Variants in KCTD8 observed in about 807,000 individuals in gnomAD.
KCTD8 encodes potassium channel tetramerization domain containing 8, also known as BTB/POZ domain-containing protein KCTD8.
Under a neutral mutation model 31.5 loss-of-function variants are expected in KCTD8, and 27 were observed. That is an observed-to-expected ratio of 0.86 (90% CI 0.63 to 1.18). The LOEUF (loss-of-function observed/expected upper bound fraction) is 1.18. Ranked by LOEUF, KCTD8 falls within the 50% of genes most tolerant of loss-of-function variation. The pLI, the probability that KCTD8 is intolerant of heterozygous loss-of-function variation, is 0.00. For missense variants in KCTD8, 658 were observed against 647.7 expected (o/e 1.02, Z -0.17); for synonymous variants, 290 against 280.0 (o/e 1.04, Z -0.36).
At chr4:44,385,302 T>G (rs888463734) in intron 1 of KCTD8, among the ~76,000 whole-genome samples, 7 of 151,508 alleles carry the variant, frequency 4.6e-5, no homozygotes, top group African/African-American at 1.7e-4. Flanking sequence ...CTTCAAAACC[T>G]ATTACAGATC....
intron 1 of KCTD8, among the ~76,000 whole-genome samples, chr4:44,318,957 A>G (rs1398119556): frequency 2.0e-5 from 3 of 152,242 alleles, no homozygotes; most frequent in Admixed American, 6.5e-5. Context: ...CACAGATAAA[A>G]TAATTCACTT....
intron 1 of KCTD8, among the ~76,000 whole-genome samples, chr4:44,177,862 ATATTAAATGT>A (rs1453952786): frequency 4.6e-5 from 7 of 152,184 alleles, no homozygotes; most frequent in South Asian, 2.1e-4. Context: ...AAATTGTCCC[ATATTAAATGT>A]TATTAAATGT....
At chr4:44,378,085 T>C (rs1187181432) in intron 1 of KCTD8, among the ~76,000 whole-genome samples, 1 of 149,788 alleles carries the variant, frequency 6.7e-6, no homozygotes, top group Non-Finnish European at 1.5e-5. Context: ...CACATAGTTA[T>C]TTTAATATAA....
intron 1 of KCTD8, among the ~76,000 whole-genome samples, chr4:44,400,347 G>A (rs1250432563): frequency 6.6e-6 from 1 of 151,790 alleles, no homozygotes; most frequent in Non-Finnish European, 1.5e-5. Flanking sequence ...CAGGTCAAAA[G>A]TATGATATTC....
intron 1 of KCTD8, among the ~76,000 whole-genome samples, chr4:44,327,411 C>T (rs1387081194): frequency 2.0e-5 from 3 of 151,902 alleles, no homozygotes; most frequent in Admixed American, 6.6e-5. Context: ...CTCCTTACCA[C>T]ATTCTGGCAA....
At chr4:44,208,586 T>C in intron 1 of KCTD8, among the ~76,000 whole-genome samples, 1 of 152,152 alleles carries the variant, frequency 6.6e-6, no homozygotes. Context: ...TAGTACAATG[T>C]ATGCAAACTT....
At chr4:44,296,832 A>G (rs906578793) in intron 1 of KCTD8, among the ~76,000 whole-genome samples, 2 of 152,012 alleles carry the variant, frequency 1.3e-5, no homozygotes, top group African/African-American at 4.8e-5. Context: ...CTGCCTCTGA[A>G]AAACCTCAAG....
intron 1 of KCTD8, among the ~76,000 whole-genome samples, chr4:44,436,063 A>G (rs1323798933): frequency 6.6e-6 from 1 of 152,122 alleles, no homozygotes; most frequent in Admixed American, 6.6e-5. Flanking sequence ...ACAACTATCA[A>G]ATAAATGTTT....
chr4:44,289,730 G>C (rs1717214216), intron 1 of KCTD8, among the ~76,000 whole-genome samples: 1 of 152,120 alleles, frequency 6.6e-6, no homozygotes, highest in Non-Finnish European at 1.5e-5. Context: ...AGAGTAGAGA[G>C]AGACAGAGCT....
In KCTD8 at chr4:44,372,345, C is replaced by T. The variant is rs72624152; in HGVS notation, c.961+75218G>A. The stretch of plus-strand genomic sequence containing the variant: ...TACATTCCAGAAAAAGACAAACAGA[C>T]GTACCAAAAATTACTGGTAAATTAG... On this transcript the variant is annotated intron_variant, in intron 1 of 1. Coordinates refer to ENST00000360029, the MANE Select transcript of KCTD8 (RefSeq NM_198353.3). 1.1e-3 allele frequency among the ~76,000 whole-genome samples: 172 copies of T among 152,192 alleles called. 4 individuals carry two copies. In the East Asian group the frequency reaches 0.031, roughly 28 times the overall value.
chr4:44,199,862 A>G (rs913569160), intron 1 of KCTD8, among the ~76,000 whole-genome samples: 5 of 151,972 alleles, frequency 3.3e-5, no homozygotes, highest in African/African-American at 1.2e-4. Context: ...AATGAAACCG[A>G]GACTTGATTA....
intron 1 of KCTD8, among the ~76,000 whole-genome samples, chr4:44,361,752 T>G (rs866482485): frequency 6.6e-6 from 1 of 152,092 alleles, no homozygotes; most frequent in South Asian, 2.1e-4. Context: ...ATAGGATAAT[T>G]ATGAATATTG....
intron 1 of KCTD8, among the ~76,000 whole-genome samples, chr4:44,383,983 T>C (rs940226133): frequency 6.6e-6 from 1 of 151,742 alleles, no homozygotes; most frequent in African/African-American, 2.4e-5. Context: ...TAACAAATAA[T>C]TTACAAATGG....
chr4:44,206,657 G>A (rs1048968039), intron 1 of KCTD8, among the ~76,000 whole-genome samples: 1 of 152,110 alleles, frequency 6.6e-6, no homozygotes, highest in South Asian at 2.1e-4. Context: ...ATTCCTATGA[G>A]TCTCTGCATA....
intron 1 of KCTD8, among the ~76,000 whole-genome samples, chr4:44,238,495 A>T (rs1176172266): frequency 6.6e-6 from 1 of 152,152 alleles, no homozygotes; most frequent in Non-Finnish European, 1.5e-5. Context: ...CTTAATGATT[A>T]TATGTGGAAT....
At chr4:44,397,684 T>C (rs1720540790) in intron 1 of KCTD8, among the ~76,000 whole-genome samples, 1 of 152,184 alleles carries the variant, frequency 6.6e-6, no homozygotes, top group Non-Finnish European at 1.5e-5. Flanking sequence ...GAATTACTTA[T>C]CTTTTGTAAA....
At chr4:44,218,760 T>C (rs1373610378) in intron 1 of KCTD8, among the ~76,000 whole-genome samples, 1 of 152,064 alleles carries the variant, frequency 6.6e-6, no homozygotes, top group Non-Finnish European at 1.5e-5. Flanking sequence ...TGGGTCAGTA[T>C]AGCCTAGTTA....
Position 44,448,090 on chromosome 4 carries a change from A to C in KCTD8, c.434T>G (p.Leu145Arg). Residue 145 changes from leucine to arginine, a missense_variant, in exon 1 of 2, where the codon CTG becomes CGG. Leu to Arg is a moderately radical substitution (Grantham distance 102). Coordinates refer to ENST00000360029, the MANE Select transcript of KCTD8 (RefSeq NM_198353.3). The surrounding 1 kb of genome is among the most constrained non-coding windows in gnomAD (Gnocchi z 4.1). ...CTGCTTGGTGACCTTGGGCGACAGC[A>C]GCTTGACCAAGTCGGTGAGCTGGAA... ...EYFQLTDLVK[L>R]LSPKVTKQNS... is the part of the protein sequence containing the mutation. 1.9e-6 allele frequency: 3 copies of C among 1,612,590 alleles called. No individual in the cohort carries two copies. Among genetic ancestry groups the C allele is most frequent in the Non-Finnish European group, 2.5e-6 (3 of 1,179,824 alleles).
At chr4:44,232,713 C>G (rs1457833285) in intron 1 of KCTD8, among the ~76,000 whole-genome samples, 1 of 152,108 alleles carries the variant, frequency 6.6e-6, no homozygotes, top group African/African-American at 2.4e-5. Flanking sequence ...AAACAACAAA[C>G]AGAATAATAG....
Sources: allele counts gnomAD v4.1 joint callset (sites outside exome capture counted in the v4.1 genomes callset), GRCh38; gene constraint gnomAD v4.1.1; non-coding constraint Gnocchi (gnomAD v3.1); transcripts MANE v1.5; gene names NCBI Gene and HGNC (gene_info 2026-07-23, HGNC 2026-07-21).